Variants in SLITRK3 observed in about 807,000 individuals in gnomAD.
The protein encoded by SLITRK3 is SLIT and NTRK-like protein 3.
Under a neutral mutation model 63.6 loss-of-function variants are expected in SLITRK3, and 16 were observed. The ratio of observed to expected loss-of-function variants is 0.25; its 90% CI spans 0.17 to 0.38. The LOEUF (loss-of-function observed/expected upper bound fraction) is 0.38, where lower values mean the gene tolerates loss of function less well. Ranked by LOEUF, SLITRK3 falls within the 10% of genes least tolerant of loss-of-function variation. The pLI is 1.00. For synonymous variants in SLITRK3, 547 were observed against 451.6 expected (o/e 1.21, Z -2.68); for missense variants, 1,117 against 1,181.4 (o/e 0.95, Z 0.80).
In SLITRK3 at chr3:165,187,868, A is replaced by T. The variant is rs773356051; in HGVS notation, c.*29T>A. 2.0e-6 allele frequency: 3 copies of T among 1,525,464 alleles called. No homozygotes were observed. The East Asian group carries it at 6.8e-5, about 34-fold the overall frequency. The allele number at this position is 1,525,464 out of a possible 1,614,324, so 94.5% of individuals were successfully genotyped here. A position where few individuals can be genotyped will look rare whatever the true frequency, so the allele number is the denominator to read the frequency against. ...TATTTTCCTTTTCTTTTGAAAAAAAAAAAGCACTAATATATTTTCTTCTCT... is the reference window on the plus strand; with the variant it reads ...TATTTTCCTTTTCTTTTGAAAAAAATAAAGCACTAATATATTTTCTTCTCT... On this transcript the variant is annotated 3_prime_UTR_variant, in exon 2 of 2. Coordinates refer to ENST00000475390, the MANE Select transcript of SLITRK3 (RefSeq NM_001318810.2).
At chr3:165,193,152 G>A (rs1443807576) in intron 1 of SLITRK3, among the ~76,000 whole-genome samples, 1 of 148,300 alleles carries the variant, frequency 6.7e-6, no homozygotes, top group Non-Finnish European at 1.5e-5. Flanking sequence ...GGGAAAAGAA[G>A]TAGAGGGGTA....
intron 1 of SLITRK3, among the ~76,000 whole-genome samples, chr3:165,193,370 G>A (rs1388190294): frequency 6.6e-6 from 1 of 151,538 alleles, no homozygotes; most frequent in Non-Finnish European, 1.5e-5. Context: ...AGTTTCCAAA[G>A]CTCATCTCTC....
Position 165,189,037 on chromosome 3 carries a change from C to G in SLITRK3, c.1794G>C (p.Thr598=), listed in dbSNP as rs1053030805. The change falls in exon 2 of 2, where the codon ACG becomes ACC. Residue 598 remains threonine (T), a synonymous_variant. Transcript: ENST00000475390. This position sits in a 1 kb window ranked among gnomAD's most constrained non-coding sequence, Gnocchi z 4.0. The part of the protein sequence containing the change: ...DVLCRSPENL[T]HRDVRTIELE... Reference sequence around the variant, plus strand: ...GCTCAATAGTGCGCACATCACGGTGCGTGAGGTTCTCAGGGCTCCTGCAAA... The same window carrying G: ...GCTCAATAGTGCGCACATCACGGTGGGTGAGGTTCTCAGGGCTCCTGCAAA... 6.2e-7 allele frequency: 1 copy of G among 1,614,032 alleles called. No homozygotes were observed. The highest frequency in any genetic ancestry group is 1.3e-5 in the African/African-American group (1 of 74,910).
Position 165,187,711 on chromosome 3 carries a change from G to T in SLITRK3, c.*186C>A, listed in dbSNP as rs73165234. 1 of 492,788 alleles carries T rather than the reference G, an allele frequency of 2.0e-6. No individual in the cohort carries two copies. The highest frequency in any genetic ancestry group is 3.6e-6 in the Non-Finnish European group (1 of 280,412). The allele number at this position is 492,788 out of a possible 1,614,324, so 30.5% of individuals were successfully genotyped here. ...CTGAGTATGGCCCTTCCTCCAAATC[G>T]CATCTGAGAGGGGAGAGCATACATC... On this transcript the variant is annotated 3_prime_UTR_variant, in exon 2 of 2. Transcript: ENST00000475390.
rs117510888 is a variant in SLITRK3 at position 165,189,190 on chromosome 3, G to A, written c.1641C>T (p.Val547=). Residue 547 remains valine, a synonymous_variant, in exon 2 of 2, where the codon GTC becomes GTT. Coordinates refer to ENST00000475390, the MANE Select transcript of SLITRK3 (RefSeq NM_001318810.2). This position sits in a 1 kb window ranked among gnomAD's most constrained non-coding sequence, Gnocchi z 4.0. ...NYFLYLPVAG[V]LEHLNAIVQI... ...GGACAATGGCATTCAAGTGTTCCAG[G>A]ACACCAGCCACGGGAAGATAGAGGA... 86 of 1,614,146 alleles carry A rather than the reference G, an allele frequency of 5.3e-5. No homozygotes were observed. In the East Asian group the frequency reaches 1.7e-3, roughly 32 times the overall value.
chr3:165,196,689 C>T (rs1208096602), upstream of SLITRK3: 1 of 152,264 alleles, frequency 6.6e-6, no homozygotes, highest in Non-Finnish European at 1.5e-5. Context: ...CAGCCGCCCC[C>T]AAATCGCGCA....
intron 1 of SLITRK3, among the ~76,000 whole-genome samples, chr3:165,194,442 T>C (rs1409062337): frequency 2.0e-5 from 3 of 152,104 alleles, no homozygotes; most frequent in African/African-American, 7.2e-5. Flanking sequence ...TTTAGAAACA[T>C]GCCACCATAC....
At position 165,188,684 on chromosome 3, in the gene SLITRK3, C is replaced by T. The variant is rs1718059668; in HGVS notation, c.2147G>A (p.Gly716Asp). ...HRLFEDGGGG[G>D]GGSGGGGRPT... ...TCGACCACCACCCCCACTTCCGCCA[C>T]CACCACCTCCACCATCCTCAAACAG... The change falls in exon 2 of 2, where the codon GGT becomes GAT. Residue 716 changes from glycine to aspartate, a missense_variant. This residue lies in a region of SLITRK3 where 499 missense variants were observed against 463.6 expected (regional missense o/e 1.08). Coordinates refer to ENST00000475390, the MANE Select transcript of SLITRK3 (RefSeq NM_001318810.2). The T allele has an allele frequency of 1.2e-6, 2 of 1,614,102 alleles. No homozygotes were observed. Among genetic ancestry groups the T allele is most frequent in the Non-Finnish European group, 1.7e-6 (2 of 1,180,028 alleles).
chr3:165,191,377 G>A (rs1010354188), intron 1 of SLITRK3, among the ~76,000 whole-genome samples: 5 of 152,196 alleles, frequency 3.3e-5, no homozygotes, highest in Admixed American at 6.5e-5. Context: ...GATAAAGTAT[G>A]AGCCTATTGC....
At position 165,196,065 on chromosome 3, in the gene SLITRK3, C is replaced by T. The variant is rs1718405819; in HGVS notation, c.-507G>A. 2.0e-5 allele frequency: 3 copies of T among 152,758 alleles called. No individual in the cohort carries two copies. The allele number at this position is 152,758 out of a possible 1,614,324, so 9.5% of individuals were successfully genotyped here. ...CGCAATCCCTGCCCGAGGCCTCCTT[C>T]CATCCGAGAAGATGGAATTAGCCCT... On this transcript the variant is annotated 5_prime_UTR_variant, in exon 1 of 2. Transcript: ENST00000475390.
chr3:165,191,248 CA>C (rs1202866163), intron 1 of SLITRK3, among the ~76,000 whole-genome samples: 1 of 152,136 alleles, frequency 6.6e-6, no homozygotes, highest in Non-Finnish European at 1.5e-5. Flanking sequence ...ATGTTGACAT[CA>C]AAGATACTCA....
intron 1 of SLITRK3, among the ~76,000 whole-genome samples, chr3:165,193,700 C>G (rs1013688099): frequency 1.3e-5 from 2 of 152,120 alleles, no homozygotes; most frequent in Non-Finnish European, 2.9e-5. Context: ...AGCCAATTCT[C>G]TGGAAGGAGA....
At chr3:165,192,951 A>G (rs1718290068) in intron 1 of SLITRK3, among the ~76,000 whole-genome samples, 1 of 152,054 alleles carries the variant, frequency 6.6e-6, no homozygotes, top group Non-Finnish European at 1.5e-5. Context: ...ATCACAGTGC[A>G]GAATCTCAGA....
Position 165,189,024 on chromosome 3 carries a change from G to A in SLITRK3, c.1807C>T (p.Arg603Cys), listed in dbSNP as rs1219260576. 1 of 1,614,152 alleles carries A rather than the reference G, an allele frequency of 6.2e-7. No individual in the cohort carries two copies. The highest frequency in any genetic ancestry group is 2.2e-5 in the East Asian group (1 of 44,870). Residue 603 changes from arginine (R) to cysteine (C), a missense_variant, in exon 2 of 2, where the codon CGC (arginine) becomes TGC (cysteine). By Grantham distance (180) the Arg-to-Cys change is radical (BLOSUM62 -3). Around this residue, in one of 4 missense-constraint regions of SLITRK3, gnomAD observed 158 missense variants for 197.2 expected, o/e 0.80. Transcript: ENST00000475390. This position sits in a 1 kb window ranked among gnomAD's most constrained non-coding sequence, Gnocchi z 4.0. ...SPENLTHRDV[R>C]TIELEVLCPE... ...CAAAGAACTTCCAGCTCAATAGTGC[G>A]CACATCACGGTGCGTGAGGTTCTCA...
chr3:165,187,361 C>T lies in SLITRK3; in HGVS notation c.*536G>A, dbSNP rs1252403854. On this transcript the variant is annotated 3_prime_UTR_variant, in exon 2 of 2. Coordinates refer to ENST00000475390, the MANE Select transcript of SLITRK3 (RefSeq NM_001318810.2). ...GAGAACATTCGAGCAAGACCCGCCC[C>T]CTCCCTCCCCATCTTGCAGTTTCCA... 1.3e-5 allele frequency: 2 copies of T among 151,954 alleles called. No individual in the cohort carries two copies. The highest frequency in any genetic ancestry group is 3.9e-4 in the East Asian group (2 of 5,136). The allele number at this position is 151,954 out of a possible 1,614,324, so 9.4% of individuals were successfully genotyped here. A position where few individuals can be genotyped will look rare whatever the true frequency, so the allele number is the denominator to read the frequency against.
At chr3:165,196,491 C>CGCGGCGGCG (rs1042846744), upstream of SLITRK3, 2 of 154,736 alleles carry the variant, frequency 1.3e-5, no homozygotes, top group Admixed American at 1.3e-4. Flanking sequence ...AGGAGACGCT[C>CGCGGCGGCG]GCGGCGGCGG....
chr3:165,195,541 T>G (rs1175389012), intron 1 of SLITRK3, 39 bp downstream of exon 1: 1 of 152,086 alleles, frequency 6.6e-6, no homozygotes, highest in Non-Finnish European at 1.5e-5. Flanking sequence ...GAAATACTGG[T>G]TTCAATTAGG....
intron 1 of SLITRK3, among the ~76,000 whole-genome samples, chr3:165,193,326 C>T (rs1379295011): frequency 2.6e-5 from 4 of 150,998 alleles, no homozygotes; most frequent in Non-Finnish European, 5.9e-5. Context: ...TTTAAACTCT[C>T]AAGGAAACCA....
rs1256399240 is a variant in SLITRK3 at position 165,187,877 on chromosome 3, A to G, written c.*20T>C. ...TTTCTTTTGAAAAAAAAAAAGCACTAATATATTTTCTTCTCTCTGTTAGAA... is the reference window on the plus strand; with the variant it reads ...TTTCTTTTGAAAAAAAAAAAGCACTGATATATTTTCTTCTCTCTGTTAGAA... On this transcript the variant is annotated 3_prime_UTR_variant, in exon 2 of 2. Transcript: ENST00000475390. 6.5e-7 allele frequency: 1 copy of G among 1,540,220 alleles called. No homozygotes were observed. The highest frequency in any genetic ancestry group is 8.8e-7 in the Non-Finnish European group (1 of 1,141,538).
Sources: gnomAD v4.1 joint callset for allele counts (sites outside exome capture counted in the v4.1 genomes callset) on GRCh38, gnomAD v4.1.1 for gene constraint, gnomAD v4.1.1 regional missense constraint, Gnocchi (gnomAD v3.1) non-coding constraint, MANE v1.5 for transcripts, NCBI Gene and HGNC (gene_info 2026-07-23, HGNC 2026-07-21) for gene names.